The following STIM2 variants were observed in gnomAD, a reference collection of about 807,000 sequenced individuals.
The protein encoded by STIM2 is stromal interaction molecule 2.
STIM2 carries 31 observed loss-of-function variants against 85.8 expected under a neutral mutation model. That is an observed-to-expected ratio of 0.36 (90% CI 0.27 to 0.49). STIM2 has a LOEUF of 0.49. Among genes scored for constraint, STIM2 ranks in the 20% least tolerant of loss-of-function variants. The probability of loss-of-function intolerance (pLI) is 0.98; values close to 1 mark genes in which losing one functional copy is unlikely to be tolerated. For missense variants in STIM2, 841 were observed against 927.6 expected, an observed-to-expected ratio of 0.91 and a Z score of 1.21; for synonymous variants, 356 against 331.1, an observed-to-expected ratio of 1.08 and a Z score of -0.82.
At chr4:26,911,880 T>C (rs1438188582) in intron 1 of STIM2, among the ~76,000 whole-genome samples, 1 of 152,184 alleles carries the variant, frequency 6.6e-6, no homozygotes, top group East Asian at 1.9e-4. Flanking sequence ...AATCCTGTTA[T>C]GTGCTAGGTG....
intron 3 of STIM2, among the ~76,000 whole-genome samples, chr4:26,974,255 GTGTGATATGATCCTTTCATTAT>G (rs1422663648): frequency 3.3e-5 from 5 of 152,146 alleles, no homozygotes; most frequent in Non-Finnish European, 7.3e-5. Context: ...ATATTGTTAT[GTGTGATATGATCCTTTCATTAT>G]GATGTTTGCT....
At chr4:26,887,794 G>T (rs187521541) in intron 1 of STIM2, among the ~76,000 whole-genome samples, 2 of 152,172 alleles carry the variant, frequency 1.3e-5, no homozygotes, top group East Asian at 3.9e-4. Context: ...ACTCAAAGAT[G>T]TAACTTAAAA....
chr4:26,982,339 A>G (rs1238893723), intron 3 of STIM2, among the ~76,000 whole-genome samples: 1 of 152,156 alleles, frequency 6.6e-6, no homozygotes, highest in Non-Finnish European at 1.5e-5. Context: ...TGAGTTTGTT[A>G]CTATTATGAT....
chr4:26,997,087 G>A (rs1367519934), intron 4 of STIM2, among the ~76,000 whole-genome samples: 1 of 152,058 alleles, frequency 6.6e-6, no homozygotes, highest in Non-Finnish European at 1.5e-5. Context: ...GAGGAGAAAG[G>A]AGAACAGTAA....
rs1728792797 is a variant in STIM2, at chr4:27,017,992, C to T, written c.1763+8C>T. 2 of 1,613,390 alleles carry T rather than the reference C, an allele frequency of 1.2e-6. No individual in the cohort carries two copies. The highest frequency in any genetic ancestry group is 2.2e-5 in the East Asian group (1 of 44,862). ...CTCTGCTGAAAAGCAATGGTATTGG[C>T]AGTGAATAATCTACAGGGCATGTTG... On this transcript the variant is annotated splice_region_variant and intron_variant, in intron 11 of 11. Coordinates refer to ENST00000467087, the MANE Select transcript of STIM2 (RefSeq NM_020860.4).
At chr4:26,941,657 A>G (rs1245433593) in intron 2 of STIM2, among the ~76,000 whole-genome samples, 1 of 151,294 alleles carries the variant, frequency 6.6e-6, no homozygotes, top group South Asian at 2.1e-4. Flanking sequence ...TAAAAATTAT[A>G]CTATGTAGCA....
At chr4:26,908,640 C>T (rs546687325) in intron 1 of STIM2, among the ~76,000 whole-genome samples, 11 of 152,258 alleles carry the variant, frequency 7.2e-5, no homozygotes, top group African/African-American at 2.2e-4. Context: ...CATGCTACCA[C>T]GCCCGGCTCA....
chr4:26,928,685 C>G (rs1283350144), intron 2 of STIM2, among the ~76,000 whole-genome samples: 1 of 152,096 alleles, frequency 6.6e-6, no homozygotes, highest in Non-Finnish European at 1.5e-5. Context: ...ATTAAATGCA[C>G]ATGTGCAAAG....
chr4:26,904,424 A>G (rs1724046666), intron 1 of STIM2, among the ~76,000 whole-genome samples: 2 of 152,132 alleles, frequency 1.3e-5, no homozygotes, highest in African/African-American at 4.8e-5. Flanking sequence ...GTTAGAGGTG[A>G]CTGAGAAGGA....
chr4:26,920,588 T>C (rs1724759033), intron 2 of STIM2, among the ~76,000 whole-genome samples: 1 of 152,194 alleles, frequency 6.6e-6, no homozygotes, highest in Non-Finnish European at 1.5e-5. Context: ...TTTTCTACAT[T>C]ATTATCTCGT....
intron 1 of STIM2, among the ~76,000 whole-genome samples, chr4:26,907,365 C>G (rs1436246209): frequency 6.6e-6 from 1 of 152,060 alleles, no homozygotes; most frequent in African/African-American, 2.4e-5. Context: ...AGTTAGTGAT[C>G]TTAGAGTTAG....
At chr4:26,936,292 T>A (rs1725389555) in intron 2 of STIM2, among the ~76,000 whole-genome samples, 1 of 152,240 alleles carries the variant, frequency 6.6e-6, no homozygotes, top group South Asian at 2.1e-4. Context: ...CTTCTCTGTC[T>A]CTTGCTTTTC....
intron 1 of STIM2, among the ~76,000 whole-genome samples, chr4:26,904,759 CT>C (rs758379549): frequency 6.5e-3 from 834 of 127,598 alleles, no homozygotes; most frequent in Middle Eastern, 8.3e-3. Flanking sequence ...AGTGTTTTGT[CT>C]TTTTTTTTTT....
At position 26,919,539 on chromosome 4, in the gene STIM2, G is replaced by A. The variant is rs749732490; in HGVS notation, c.187G>A (p.Glu63Lys). The stretch of plus-strand genomic sequence containing the variant: ...GTCACTGAGTCCACCATGCTTTACA[G>A]AAGAAGACAGATTTAGTCTGGAAGC... The change falls in exon 2 of 12, where the codon GAA becomes AAA. Residue 63 changes from glutamate to lysine, a missense_variant. By Grantham distance (56) the Glu-to-Lys change is moderately conservative. Coordinates refer to ENST00000467087, the MANE Select transcript of STIM2 (RefSeq NM_020860.4). 1 of 1,613,626 alleles carries A rather than the reference G, an allele frequency of 6.2e-7. No homozygotes were observed.
At chr4:27,007,496 T>C (rs1259274110) in intron 7 of STIM2, 37 bp from the exon 8 acceptor site, 2 of 1,399,634 alleles carry the variant, frequency 1.4e-6, no homozygotes, top group Non-Finnish European at 1.9e-6. Flanking sequence ...CCTTCCTCCC[T>C]CTCTCCTTTC....
At chr4:26,878,752 G>A (rs1354755723) in intron 1 of STIM2, among the ~76,000 whole-genome samples, 1 of 152,156 alleles carries the variant, frequency 6.6e-6, no homozygotes, top group African/African-American at 2.4e-5. Context: ...CACCTGGCTT[G>A]GGAGGTCTCA....
intron 1 of STIM2, among the ~76,000 whole-genome samples, chr4:26,901,164 G>T (rs1723905145): frequency 5.3e-5 from 8 of 152,198 alleles, no homozygotes; most frequent in Admixed American, 5.2e-4. Context: ...AAGCGTGCTT[G>T]TCCGTGTAGC....
rs556019420 is a variant in STIM2, at chr4:26,984,555, G to C, written c.398-10824G>C. Among the ~76,000 whole-genome samples the C allele has an allele frequency of 5.9e-5, 9 of 152,264 alleles. 1 individual carries two copies. The South Asian group carries it at 1.9e-3, about 32-fold the overall frequency. On this transcript the variant is annotated intron_variant, in intron 3 of 11. Coordinates refer to ENST00000467087, the MANE Select transcript of STIM2 (RefSeq NM_020860.4). ...TTGTTTTGTATTTTTAGTAGAGATGGGGTTTCGCCATGTTGGCCAGGCTGG... is the reference window on the plus strand; with the variant it reads ...TTGTTTTGTATTTTTAGTAGAGATGCGGTTTCGCCATGTTGGCCAGGCTGG...
At chr4:26,874,177 C>T (rs1025023355) in intron 1 of STIM2, 3 of 496,322 alleles carry the variant, frequency 6.0e-6, no homozygotes, top group Admixed American at 2.5e-5. Context: ...AGGTTGATGG[C>T]TGTCAGGGGC....
Sources: allele counts gnomAD v4.1 joint callset (sites outside exome capture counted in the v4.1 genomes callset), GRCh38; gene constraint gnomAD v4.1.1; transcripts MANE v1.5; gene names NCBI Gene and HGNC (gene_info 2026-07-23, HGNC 2026-07-21).